Variants in RBFOX1 observed in about 807,000 individuals in gnomAD.
RBFOX1 encodes the protein RNA binding protein fox-1 homolog 1.
RBFOX1 carries 8 observed loss-of-function variants against 57.7 expected under a neutral mutation model. The ratio of observed to expected loss-of-function variants is 0.14; its 90% CI spans 0.08 to 0.25. The LOEUF (loss-of-function observed/expected upper bound fraction) is 0.25, where lower values mean the gene tolerates loss of function less well. RBFOX1 is among the 10% of genes least tolerant of loss of function. The pLI, the probability that RBFOX1 is intolerant of heterozygous loss-of-function variation, is 1.00. For missense variants in RBFOX1, 611 were observed against 548.5 expected, an observed-to-expected ratio of 1.11 and a Z score of -1.14; for synonymous variants, 326 against 222.4, an observed-to-expected ratio of 1.47 and a Z score of -4.15.
intron 3 of RBFOX1, among the ~76,000 whole-genome samples, chr16:5,710,555 T>C (rs7203802): frequency 0.082 from 12,500 of 152,270 alleles, 1,730 homozygotes; most frequent in African/African-American, 0.28. Context: ...CAAGGCAGCT[T>C]CCCAATTAAT....
intron 3 of RBFOX1, among the ~76,000 whole-genome samples, chr16:7,033,690 T>C (rs1013356836): frequency 3.3e-5 from 5 of 152,024 alleles, no homozygotes; most frequent in African/African-American, 7.2e-5. Context: ...TGGTTCCCTA[T>C]TGAACAGTAG....
At chr16:7,422,144 G>T (rs1236912582) in intron 4 of RBFOX1, among the ~76,000 whole-genome samples, 1 of 152,192 alleles carries the variant, frequency 6.6e-6, no homozygotes, top group Non-Finnish European at 1.5e-5. Flanking sequence ...ATTTCTGTGT[G>T]TATGTTTGTG....
chr16:7,617,631 G>C (rs190028372), intron 10 of RBFOX1, among the ~76,000 whole-genome samples: 1 of 152,298 alleles, frequency 6.6e-6, no homozygotes, highest in Admixed American at 6.5e-5. Context: ...GACAGACCGT[G>C]TATTAACACT....
At chr16:7,700,142 A>C (rs972432871) in intron 14 of RBFOX1, among the ~76,000 whole-genome samples, 1 of 152,126 alleles carries the variant, frequency 6.6e-6, no homozygotes, top group South Asian at 2.1e-4. Flanking sequence ...ACTTTGGATC[A>C]TCAATCCAAT....
intron 1 of RBFOX1, among the ~76,000 whole-genome samples, chr16:5,369,455 C>T (rs1012326542): frequency 3.9e-5 from 6 of 152,240 alleles, no homozygotes; most frequent in East Asian, 1.9e-4. Flanking sequence ...AAGACCTGCT[C>T]GGTACCAGGC....
intron 4 of RBFOX1, among the ~76,000 whole-genome samples, chr16:7,448,782 C>G (rs982687680): frequency 6.6e-6 from 1 of 152,166 alleles, no homozygotes; most frequent in African/African-American, 2.4e-5. Context: ...CTATGTTTGT[C>G]TGTCTTCACC....
At chr16:6,312,872 A>C (rs964645807) in intron 1 of RBFOX1, among the ~76,000 whole-genome samples, 5 of 152,124 alleles carry the variant, frequency 3.3e-5, no homozygotes, top group Admixed American at 2.6e-4. Flanking sequence ...CAAAACCCAC[A>C]CAGCTCCTGC....
At chr16:7,669,261 T>G (rs1201075859) in intron 13 of RBFOX1, among the ~76,000 whole-genome samples, 2 of 151,250 alleles carry the variant, frequency 1.3e-5, no homozygotes, top group Non-Finnish European at 2.9e-5. Context: ...AAACAAGCAT[T>G]GCTTAACTGA....
rs373213270 is a variant in RBFOX1 at position 7,410,890 on chromosome 16, G to A, written c.28-107257G>A. On this transcript the variant is annotated intron_variant, in intron 4 of 15. Transcript: ENST00000550418. ...GTGTAAATCACCCTAATTGTGGGGA[G>A]TACTAATAAGTTCCATCGATCTACT... Among the ~76,000 whole-genome samples, 11 of 151,132 alleles carry A rather than the reference G, an allele frequency of 7.3e-5. No individual in the cohort carries two copies. The Middle Eastern group carries it at 0.01, about 141-fold the overall frequency.
chr16:5,580,757 T>G (rs1378809140), intron 2 of RBFOX1, among the ~76,000 whole-genome samples: 2 of 152,186 alleles, frequency 1.3e-5, no homozygotes, highest in Non-Finnish European at 2.9e-5. Context: ...TAGGTTTAAT[T>G]AAAGGCAAAC....
At chr16:6,157,523 G>C (rs1051500005) in intron 1 of RBFOX1, among the ~76,000 whole-genome samples, 11 of 152,046 alleles carry the variant, frequency 7.2e-5, no homozygotes, top group Non-Finnish European at 1.3e-4. Flanking sequence ...TATTCTGCCA[G>C]GACTACATGC....
At chr16:6,718,351 G>T (rs563175725) in intron 3 of RBFOX1, among the ~76,000 whole-genome samples, 1 of 152,240 alleles carries the variant, frequency 6.6e-6, no homozygotes, top group Middle Eastern at 3.4e-3. Flanking sequence ...TATTTTAGTG[G>T]GAGAGATAGA....
chr16:7,621,988 C>G (rs1171740609), intron 10 of RBFOX1, among the ~76,000 whole-genome samples: 1 of 152,158 alleles, frequency 6.6e-6, no homozygotes, highest in Non-Finnish European at 1.5e-5. Flanking sequence ...GAGTTTCATG[C>G]AATTTTCACT....
chr16:6,940,358 A>G (rs1027531733), intron 3 of RBFOX1, among the ~76,000 whole-genome samples: 3 of 152,196 alleles, frequency 2.0e-5, no homozygotes, highest in Admixed American at 1.3e-4. Flanking sequence ...AGCTCAAACT[A>G]CATTGCTCAC....
intron 3 of RBFOX1, among the ~76,000 whole-genome samples, chr16:6,717,134 G>T (rs143892963): frequency 6.6e-6 from 1 of 152,238 alleles, no homozygotes; most frequent in South Asian, 2.1e-4. Flanking sequence ...CTCTAGAACC[G>T]TGAGAAATAA....
intron 4 of RBFOX1, among the ~76,000 whole-genome samples, chr16:7,128,996 T>G (rs542853004): frequency 6.6e-6 from 1 of 151,954 alleles, no homozygotes; most frequent in African/African-American, 2.4e-5. Context: ...AATTTTTGTA[T>G]TTTTAGTAGA....
chr16:5,653,449 C>G (rs1057368258), intron 3 of RBFOX1, among the ~76,000 whole-genome samples: 1 of 150,006 alleles, frequency 6.7e-6, no homozygotes, highest in African/African-American at 2.5e-5. Context: ...GAGCCGTGTG[C>G]TCCACCTTTG....
chr16:5,344,600 T>A (rs992924373), intron 1 of RBFOX1, among the ~76,000 whole-genome samples: 42 of 152,184 alleles, frequency 2.8e-4, no homozygotes, highest in African/African-American at 1.0e-3. Context: ...GGATGTTTTT[T>A]TCCCCCTCCC....
intron 1 of RBFOX1, among the ~76,000 whole-genome samples, chr16:6,296,497 T>C (rs2078129337): frequency 6.6e-6 from 1 of 151,470 alleles, no homozygotes; most frequent in Non-Finnish European, 1.5e-5. Context: ...CTCGGCTCAC[T>C]GCAAGCTCCG....
Sources: allele counts gnomAD v4.1 joint callset (sites outside exome capture counted in the v4.1 genomes callset), GRCh38; gene constraint gnomAD v4.1.1; transcripts MANE v1.5; gene names NCBI Gene and HGNC (gene_info 2026-07-23, HGNC 2026-07-21).